NFATC1: variants seen among roughly 807,000 people sequenced by gnomAD.
NFATC1 encodes the protein nuclear factor of activated T-cells, cytoplasmic 1.
Under a neutral mutation model 76.0 loss-of-function variants are expected in NFATC1, and 22 were observed. The observed-to-expected ratio is 0.29, with a 90% CI of 0.21 to 0.41. NFATC1 has a LOEUF of 0.41. NFATC1 is among the 10% of genes least tolerant of loss of function. NFATC1 has a pLI of 1.00. For synonymous variants in NFATC1, 704 were observed against 613.1 expected (o/e 1.15, Z -2.19); for missense variants, 1,357 against 1,337.7 (o/e 1.01, Z -0.23).
chr18:79,447,648 C>T (rs889168301), intron 3 of NFATC1, among the ~76,000 whole-genome samples: 11 of 152,184 alleles, frequency 7.2e-5, no homozygotes, highest in Non-Finnish European at 1.6e-4. Context: ...GAACGAGGGG[C>T]CCTGTGGGAG....
chr18:79,444,755 A>G (rs2087133771), intron 3 of NFATC1, among the ~76,000 whole-genome samples: 1 of 142,258 alleles, frequency 7.0e-6, no homozygotes, highest in Non-Finnish European at 1.5e-5. Context: ...CCGACCCCAC[A>G]GACCACACCG....
At chr18:79,415,020 G>A (rs944236613) in intron 2 of NFATC1, among the ~76,000 whole-genome samples, 2 of 152,104 alleles carry the variant, frequency 1.3e-5, no homozygotes, top group Non-Finnish European at 2.9e-5. Flanking sequence ...TTCATCGTTC[G>A]GCCTCCTCCA....
At chr18:79,396,897 G>T (rs1003419917) in intron 1 of NFATC1, among the ~76,000 whole-genome samples, 6 of 152,078 alleles carry the variant, frequency 3.9e-5, no homozygotes, top group African/African-American at 1.4e-4. Context: ...GGACCTGCAG[G>T]ACCAAAAGAT....
intron 9 of NFATC1, among the ~76,000 whole-genome samples, chr18:79,506,046 G>A (rs2090114491): frequency 6.6e-6 from 1 of 152,212 alleles, no homozygotes; most frequent in African/African-American, 2.4e-5. Flanking sequence ...TTACCTGTGT[G>A]AAACGTGCCT....
chr18:79,461,800 C>T (rs11665496), intron 7 of NFATC1, among the ~76,000 whole-genome samples: 35,155 of 152,152 alleles, frequency 0.23, 4,945 homozygotes, highest in African/African-American at 0.38. Context: ...TGCCCAGACC[C>T]GCTCACAGCA....
chr18:79,442,055 G>A (rs1244222252), intron 3 of NFATC1, among the ~76,000 whole-genome samples: 3 of 152,146 alleles, frequency 2.0e-5, no homozygotes, highest in Non-Finnish European at 4.4e-5. Flanking sequence ...TTCGTGCCGA[G>A]CGCCATTGCC....
chr18:79,404,926 C>T lies in NFATC1; in HGVS notation c.128-5477C>T, dbSNP rs2085383799. 3.9e-5 allele frequency among the ~76,000 whole-genome samples: 6 copies of T among 152,196 alleles called. No individual in the cohort carries two copies. The South Asian group carries it at 6.2e-4, about 16-fold the overall frequency. On this transcript the variant is annotated intron_variant, in intron 1 of 9. Transcript: ENST00000427363. Reference sequence around the variant, plus strand: ...CATGTATTAATTTAATGTCAGGCACCGATACAGTTTTTTGTGGTTGTTCAG... The same window carrying T: ...CATGTATTAATTTAATGTCAGGCACTGATACAGTTTTTTGTGGTTGTTCAG...
chr18:79,467,474 C>T lies in NFATC1; in HGVS notation c.1984C>T (p.Pro662Ser), dbSNP rs1403582224. ...GAATTCTCTGGTGGTTGAGATCCCG[C>T]CATTTCGGAATCAGAGGATAACCAG... ...KPNSLVVEIP[P>S]FRNQRITSPV... The change falls in exon 8 of 10, where the codon CCA (proline) becomes TCA (serine). Residue 662 changes from proline (P) to serine (S), a missense_variant. Pro to Ser is a moderately conservative substitution (Grantham distance 74). Around this residue, in one of 3 missense-constraint regions of NFATC1, gnomAD observed 242 missense variants for 329.2 expected, o/e 0.74. Coordinates refer to ENST00000427363, the MANE Select transcript of NFATC1 (RefSeq NM_001278669.2). 3.7e-6 allele frequency: 6 copies of T among 1,608,290 alleles called. No homozygotes were observed. Among genetic ancestry groups the T allele is most frequent in the East Asian group, 2.2e-5 (1 of 44,556 alleles).
intron 6 of NFATC1, among the ~76,000 whole-genome samples, chr18:79,454,638 G>C (rs1346727834): frequency 6.6e-6 from 1 of 152,242 alleles, no homozygotes; most frequent in Non-Finnish European, 1.5e-5. Flanking sequence ...GGCGCAAAAG[G>C]CCGGGAGCGG....
chr18:79,455,760 TCCCACGGCCGCCCCATCCCAC>T (rs1378648717), intron 6 of NFATC1, among the ~76,000 whole-genome samples: 72,843 of 116,506 alleles, frequency 0.63, 19,380 homozygotes, highest in Non-Finnish European at 0.66. Flanking sequence ...GGCCGCCCCA[TCCCACGGCCGCCCCATCCCAC>T]GGCCGCCCCA....
intron 5 of NFATC1, 139 bp from the exon 6 acceptor site, chr18:79,451,537 T>C (rs2087472901): frequency 2.3e-6 from 2 of 868,726 alleles, no homozygotes; most frequent in Non-Finnish European, 3.3e-6. Context: ...AGTAGTGGCA[T>C]CCGCAGGGGT....
chr18:79,434,783 C>A lies in NFATC1; in HGVS notation c.1386+1045C>A, dbSNP rs937851959. Reference sequence around the variant, plus strand: ...GGCCGCAGGGACAAATGGCTGTTTGCCAACGCAGCAGCCGGCGGCAGGGAA... The same window carrying A: ...GGCCGCAGGGACAAATGGCTGTTTGACAACGCAGCAGCCGGCGGCAGGGAA... On this transcript the variant is annotated intron_variant, in intron 3 of 9. Transcript: ENST00000427363. Among the ~76,000 whole-genome samples the A allele has an allele frequency of 3.9e-5, 6 of 152,240 alleles. No homozygotes were observed. The East Asian group carries it at 1.2e-3, about 29-fold the overall frequency.
At chr18:79,464,535 A>G (rs2088332645) in intron 7 of NFATC1, among the ~76,000 whole-genome samples, 1 of 151,526 alleles carries the variant, frequency 6.6e-6, no homozygotes, top group African/African-American at 2.4e-5. Flanking sequence ...ACCAACTGAG[A>G]CATAACCACT....
intron 8 of NFATC1, among the ~76,000 whole-genome samples, chr18:79,479,334 G>T (rs1009286577): frequency 6.6e-6 from 1 of 151,626 alleles, no homozygotes; most frequent in African/African-American, 2.4e-5. Context: ...GGGCCTGTGC[G>T]GCCCCCTCCA....
intron 8 of NFATC1, 58 bp from the exon 9 acceptor site, chr18:79,486,190 G>C: frequency 6.6e-7 from 1 of 1,513,232 alleles, no homozygotes; most frequent in Non-Finnish European, 9.0e-7. Flanking sequence ...CCACAAGCCT[G>C]CCTGATCACA....
Position 79,396,224 on chromosome 18 carries a change from G to T in NFATC1, c.-1G>T. On this transcript the variant is annotated 5_prime_UTR_variant, in exon 1 of 10. Transcript: ENST00000427363. ...CTCCACTCCCCGCCGCCGCCGCGCG[G>T]ATGCCAAGCACCAGCTTTCCAGTCC... 6.7e-7 allele frequency: 1 copy of T among 1,487,504 alleles called. No homozygotes were observed. Among genetic ancestry groups the T allele is most frequent in the Non-Finnish European group, 9.0e-7 (1 of 1,111,156 alleles). 92.1% of individuals were successfully genotyped at this position (1,487,504 alleles called of 1,614,324 possible). A position where few individuals can be genotyped will look rare whatever the true frequency, so the allele number is the denominator to read the frequency against.
chr18:79,403,005 T>C (rs1327034276), intron 1 of NFATC1, among the ~76,000 whole-genome samples: 1 of 152,256 alleles, frequency 6.6e-6, no homozygotes, highest in African/African-American at 2.4e-5. Flanking sequence ...CAAGCTTTGT[T>C]GTAAAGGACG....
chr18:79,450,294 T>C (rs1484440044), intron 4 of NFATC1, among the ~76,000 whole-genome samples: 1 of 152,036 alleles, frequency 6.6e-6, no homozygotes, highest in Non-Finnish European at 1.5e-5. Context: ...TTGAATGAAA[T>C]TGTTAAGAGG....
Position 79,410,467 on chromosome 18 carries a change from C to T in NFATC1, c.192C>T (p.Thr64=). ...PALPLPTAHS[T]LPAPCHNLQT... ...TGCCGCTCCCCACGGCGCACTCCAC[C>T]CTGCCGGCCCCGTGCCACAACCTTC... Residue 64 remains threonine, a synonymous_variant, in exon 2 of 10, where the codon ACC becomes ACT. Coordinates refer to ENST00000427363, the MANE Select transcript of NFATC1 (RefSeq NM_001278669.2). The surrounding 1 kb of genome is among the most constrained non-coding windows in gnomAD (Gnocchi z 6.7). 6.2e-7 allele frequency: 1 copy of T among 1,612,480 alleles called. No individual in the cohort carries two copies. The highest frequency in any genetic ancestry group is 2.2e-5 in the East Asian group (1 of 44,874).
Sources: gnomAD v4.1 joint callset for allele counts (sites outside exome capture counted in the v4.1 genomes callset) on GRCh38, gnomAD v4.1.1 for gene constraint, gnomAD v4.1.1 regional missense constraint, Gnocchi (gnomAD v3.1) non-coding constraint, MANE v1.5 for transcripts, NCBI Gene and HGNC (gene_info 2026-07-23, HGNC 2026-07-21) for gene names.